CHRM5: variants seen among roughly 807,000 people sequenced by gnomAD.
CHRM5 encodes the protein cholinergic receptor muscarinic 5.
Under a neutral mutation model 39.0 loss-of-function variants are expected in CHRM5, and 18 were observed. That is an observed-to-expected ratio of 0.46 (90% CI 0.32 to 0.68). The LOEUF (loss-of-function observed/expected upper bound fraction) is 0.68. CHRM5 is among the 30% of genes least tolerant of loss of function. The pLI is 0.04. For missense variants in CHRM5, 515 were observed against 651.1 expected, an observed-to-expected ratio of 0.79 and a Z score of 2.28; for synonymous variants, 241 against 246.3, an observed-to-expected ratio of 0.98 and a Z score of 0.20.
rs1900502811 is a variant in CHRM5 at position 34,066,075 on chromosome 15, C to T, written c.*1759C>T. 2.0e-5 allele frequency: 3 copies of T among 152,278 alleles called. No individual in the cohort carries two copies. The highest frequency in any genetic ancestry group is 7.2e-5 in the African/African-American group (3 of 41,470). The allele number at this position is 152,278 out of a possible 1,614,324, so 9.4% of individuals were successfully genotyped here. On this transcript the variant is annotated 3_prime_UTR_variant, in exon 3 of 3. Transcript: ENST00000383263. ...TAGTAGAATCTCAGGCAGGACGGGA[C>T]TGGTCCCTTATAAAGACTTCACGTT... is the stretch of plus-strand genomic sequence containing the variant.
intron 1 of CHRM5, among the ~76,000 whole-genome samples, chr15:33,999,085 T>C (rs1400321748): frequency 6.6e-6 from 1 of 152,200 alleles, no homozygotes. Context: ...TCCAACCTGT[T>C]CTACCCTAGA....
In CHRM5 at chr15:33,968,866, C is replaced by A. The variant is rs1288061740; in HGVS notation, c.-692C>A. ...GCATTCAATGAATCTTTAATAAGTT[C>A]TCAACACTCAGATTGTTTGTGATCA... On this transcript the variant is annotated 5_prime_UTR_variant, in exon 1 of 3. Coordinates refer to ENST00000383263, the MANE Select transcript of CHRM5 (RefSeq NM_012125.4). 6.6e-6 allele frequency: 1 copy of A among 152,060 alleles called. No individual in the cohort carries two copies. Among genetic ancestry groups the A allele is most frequent in the African/African-American group, 2.4e-5 (1 of 41,422 alleles). The allele number at this position is 152,060 out of a possible 1,614,324, so 9.4% of individuals were successfully genotyped here.
intron 1 of CHRM5, among the ~76,000 whole-genome samples, chr15:33,987,873 G>C (rs1896545454): frequency 6.6e-6 from 1 of 152,196 alleles, no homozygotes. Flanking sequence ...CTGGCCCCAT[G>C]GAAAACCCTA....
chr15:34,053,569 G>C (rs1900023791), intron 2 of CHRM5, among the ~76,000 whole-genome samples: 1 of 151,808 alleles, frequency 6.6e-6, no homozygotes, highest in African/African-American at 2.4e-5. Context: ...ACAAAAACAA[G>C]CAGTGGGGAA....
rs750778878 is a variant in CHRM5 at position 34,064,301 on chromosome 15, C to T, written c.1584C>T (p.Asn528=). ...KVEEKLYWQG[N]SKLP ...AAGAGAAGTTGTACTGGCAGGGGAA[C>T]AGCAAGCTACCCTGAAAAGTCAACA... Residue 528 remains asparagine, a synonymous_variant, in exon 3 of 3, where the codon AAC becomes AAT. Coordinates refer to ENST00000383263, the MANE Select transcript of CHRM5 (RefSeq NM_012125.4). The T allele has an allele frequency of 6.2e-7, 1 of 1,612,448 alleles. No individual in the cohort carries two copies. Among genetic ancestry groups the T allele is most frequent in the Non-Finnish European group, 8.5e-7 (1 of 1,179,216 alleles).
intron 1 of CHRM5, among the ~76,000 whole-genome samples, chr15:34,020,081 G>T (rs1270990727): frequency 6.6e-6 from 1 of 152,190 alleles, no homozygotes; most frequent in Non-Finnish European, 1.5e-5. Flanking sequence ...GGAGGCCAAG[G>T]TGGGTGGATC....
In CHRM5 at chr15:34,063,563, G is replaced by C. The variant is rs1166184098; in HGVS notation, c.846G>C (p.Gly282=). The change falls in exon 3 of 3, where the codon GGG becomes GGC. Residue 282 remains glycine (G), a synonymous_variant. Transcript: ENST00000383263. This position sits in a 1 kb window ranked among gnomAD's most constrained non-coding sequence, Gnocchi z 4.1. The stretch of plus-strand genomic sequence containing the variant: ...CCCGCAGGAGCACCTCCACCACTGG[G>C]AAGCCATCCCAAGCCACTGGCCCAA... ...SSSRRSTSTT[G]KPSQATGPSA... is the part of the protein sequence containing the mutation. 6.2e-7 allele frequency: 1 copy of C among 1,613,622 alleles called. No individual in the cohort carries two copies. Among genetic ancestry groups the C allele is most frequent in the Non-Finnish European group, 8.5e-7 (1 of 1,180,018 alleles).
At chr15:33,977,079 T>G (rs1895917190) in intron 1 of CHRM5, among the ~76,000 whole-genome samples, 1 of 152,144 alleles carries the variant, frequency 6.6e-6, no homozygotes, top group Non-Finnish European at 1.5e-5. Context: ...AAAAAATAAT[T>G]TTTGGCTTAA....
intron 1 of CHRM5, among the ~76,000 whole-genome samples, chr15:33,990,524 C>T (rs567955297): frequency 2.7e-4 from 41 of 152,322 alleles, no homozygotes; most frequent in Non-Finnish European, 5.0e-4. Flanking sequence ...AAAAGATTCA[C>T]TAACGTTCTC....
At chr15:33,998,523 A>AT (rs1379301979) in intron 1 of CHRM5, among the ~76,000 whole-genome samples, 1 of 152,144 alleles carries the variant, frequency 6.6e-6, no homozygotes, top group Non-Finnish European at 1.5e-5. Flanking sequence ...CCAGCCCATT[A>AT]TTCTCCTTTC....
intron 1 of CHRM5, among the ~76,000 whole-genome samples, chr15:33,994,907 C>A (rs1375180124): frequency 6.6e-6 from 1 of 152,156 alleles, no homozygotes; most frequent in African/African-American, 2.4e-5. Context: ...AACATACAGG[C>A]AACCATCCAC....
chr15:33,995,657 T>C (rs558101444), intron 1 of CHRM5, among the ~76,000 whole-genome samples: 1 of 152,366 alleles, frequency 6.6e-6, no homozygotes, highest in South Asian at 2.1e-4. Context: ...CTGAAATGAC[T>C]AAATGAATCA....
intron 1 of CHRM5, chr15:34,038,845 C>T: frequency 8.5e-7 from 1 of 1,170,726 alleles, no homozygotes; most frequent in African/African-American, 1.6e-5. Context: ...GCGCCTCCTC[C>T]TCCTCGGCCT....
chr15:34,043,466 A>C (rs183758514), intron 1 of CHRM5, among the ~76,000 whole-genome samples: 59 of 152,322 alleles, frequency 3.9e-4, no homozygotes, highest in Admixed American at 1.7e-3. Context: ...TGGAAAACAC[A>C]TAAGTTTCTC....
intron 2 of CHRM5, among the ~76,000 whole-genome samples, chr15:34,049,504 GA>G (rs1163143135): frequency 1.3e-5 from 2 of 152,116 alleles, no homozygotes; most frequent in Middle Eastern, 3.4e-3. Context: ...CAAGAATGGA[GA>G]AAAAAAGAAT....
At position 34,053,319 on chromosome 15, in the gene CHRM5, A is replaced by AAAAAT. The variant is rs775436850; in HGVS notation, c.-76+6449_-76+6450insAAATA. Among the ~76,000 whole-genome samples the AAAAAT allele has an allele frequency of 7.2e-3, 302 of 41,920 alleles. 3 individuals are homozygous for AAAAAT. The highest frequency in any genetic ancestry group is 0.022 in the Middle Eastern group (1 of 46). 27.5% of individuals were successfully genotyped at this position (41,920 alleles called of 152,430 possible). On this transcript the variant is annotated intron_variant, in intron 2 of 2. Transcript: ENST00000383263. ...CATCTCAAAAAAAAAAAAAAAAAAA[A>AAAAAT]ATATATATATATATATATATATATG... is the stretch of plus-strand genomic sequence containing the variant.
At chr15:34,036,896 G>A (rs1487764527) in intron 1 of CHRM5, among the ~76,000 whole-genome samples, 2 of 152,036 alleles carry the variant, frequency 1.3e-5, no homozygotes, top group African/African-American at 4.8e-5. Context: ...GATCACCTGA[G>A]GTCAGGAGTT....
intron 1 of CHRM5, among the ~76,000 whole-genome samples, chr15:34,021,290 CTTTTT>C (rs911480926): frequency 6.9e-6 from 1 of 145,672 alleles, no homozygotes; most frequent in Non-Finnish European, 1.5e-5. Flanking sequence ...TTTTCTGTAT[CTTTTT>C]TTTTTTTGAG....
rs888859238 is a variant in CHRM5, at chr15:34,064,436, A to G, written c.*120A>G. 1.6e-6 allele frequency: 2 copies of G among 1,269,506 alleles called. No individual in the cohort carries two copies. The highest frequency in any genetic ancestry group is 3.0e-5 in the African/African-American group (2 of 66,178). The allele number at this position is 1,269,506 out of a possible 1,614,324, so 78.6% of individuals were successfully genotyped here. ...GACATCTCATTTTGAGTCCTTGAAG[A>G]TTTTTGTAAAGGCTCAAGTTTGGTT... On this transcript the variant is annotated 3_prime_UTR_variant, in exon 3 of 3. Transcript: ENST00000383263.
Sources: gnomAD v4.1 joint callset for allele counts (sites outside exome capture counted in the v4.1 genomes callset) on GRCh38, gnomAD v4.1.1 for gene constraint, Gnocchi (gnomAD v3.1) non-coding constraint, MANE v1.5 for transcripts, NCBI Gene and HGNC (gene_info 2026-07-23, HGNC 2026-07-21) for gene names.